The following TDRD6 variants were observed in gnomAD, a reference collection of about 807,000 sequenced individuals.
TDRD6 encodes the protein tudor domain-containing protein 6.
A neutral mutation model predicts 157.5 loss-of-function variants in TDRD6; 186 were observed. The ratio of observed to expected loss-of-function variants is 1.18; its 90% CI spans 1.05 to 1.33. TDRD6 has a LOEUF of 1.33. Among genes scored for constraint, TDRD6 ranks in the 40% most tolerant of loss-of-function variants. The pLI, the probability that TDRD6 is intolerant of heterozygous loss-of-function variation, is 0.00. For synonymous variants in TDRD6, 1,075 were observed against 945.2 expected (o/e 1.14, Z -2.52); for missense variants, 3,066 against 2,508.0 (o/e 1.22, Z -4.75).
Position 46,691,787 on chromosome 6 carries a change from C to A in TDRD6, c.3659C>A (p.Ser1220Ter). Residue 1220 changes from serine to a stop codon, truncating the protein, a stop_gained, in exon 1 of 4, where the codon TCA becomes TAA. Coordinates refer to ENST00000316081, the MANE Select transcript of TDRD6 (RefSeq NM_001010870.3). LOFTEE classifies it high-confidence loss of function. ...TCATATAAACCTCAGATCAACTCAT[C>A]ATACAAGGAACTCAAACTTTTACAA... ...EESYKPQINS[S>*]YKELKLLQSL... 6.2e-7 allele frequency: 1 copy of A among 1,601,968 alleles called. No individual in the cohort carries two copies. The highest frequency in any genetic ancestry group is 1.1e-5 in the South Asian group (1 of 88,620).
chr6:46,693,338 T>C lies in TDRD6; in HGVS notation c.5210T>C (p.Val1737Ala), dbSNP rs1764399256. Residue 1737 changes from valine (V) to alanine (A), a missense_variant, in exon 1 of 4, where the codon GTA becomes GCA. Coordinates refer to ENST00000316081, the MANE Select transcript of TDRD6 (RefSeq NM_001010870.3). ...VGLKKLSNKA[V>A]QNKIYMEQQT... ...CTTAAGAAATTAAGTAATAAAGCTG[T>C]ACAAAATAAAATATATATGGAACAA... 2 of 1,604,610 alleles carry C rather than the reference T, an allele frequency of 1.2e-6. No individual in the cohort carries two copies. Among genetic ancestry groups the C allele is most frequent in the Non-Finnish European group, 1.7e-6 (2 of 1,177,526 alleles).
rs148061772 is a variant in TDRD6 at position 46,689,050 on chromosome 6, G to C, written c.922G>C (p.Glu308Gln). The change falls in exon 1 of 4, where the codon GAG becomes CAG. Residue 308 changes from glutamate (E) to glutamine (Q), a missense_variant. By Grantham distance (29) the Glu-to-Gln change is conservative (BLOSUM62 2). Transcript: ENST00000316081. ...STSATWEERE[E>Q]SPDKPGSPCA... ...CAGTGCCACCTGGGAGGAGAGGGAG[G>C]AGAGCCCAGATAAGCCGGGCTCTCC... 6.4e-5 allele frequency: 104 copies of C among 1,613,966 alleles called. No homozygotes were observed. In the African/African-American group the frequency reaches 1.1e-3, roughly 18 times the overall value.
intron 1 of TDRD6, among the ~76,000 whole-genome samples, chr6:46,694,792 A>G (rs1349277738): frequency 2.0e-5 from 3 of 152,190 alleles, no homozygotes; most frequent in Non-Finnish European, 1.5e-5. Context: ...ATGTGTTGGT[A>G]AGTTTTATAA....
intron 3 of TDRD6, chr6:46,701,153 G>A: frequency 4.0e-6 from 1 of 251,682 alleles, no homozygotes; most frequent in South Asian, 4.1e-5. Context: ...AAACAAAAAT[G>A]GTTTATCAAT....
In TDRD6 at chr6:46,691,258, T is replaced by C; in HGVS notation, c.3130T>C (p.Tyr1044His). 6.2e-7 allele frequency: 1 copy of C among 1,614,102 alleles called. No individual in the cohort carries two copies. The highest frequency in any genetic ancestry group is 8.5e-7 in the Non-Finnish European group (1 of 1,179,966). Residue 1044 changes from tyrosine (Y) to histidine (H), a missense_variant, in exon 1 of 4, where the codon TAT becomes CAT. Tyr to His is a moderately conservative substitution (Grantham distance 83). Transcript: ENST00000316081. ...LNPGTLCLAK[Y>H]TDGNWYRGIV... is the part of the protein sequence containing the mutation. Reference sequence around the variant, plus strand: ...CCCTGGAACCTTGTGCCTTGCCAAGTATACTGATGGAAACTGGTATAGGGG... The same window carrying C: ...CCCTGGAACCTTGTGCCTTGCCAAGCATACTGATGGAAACTGGTATAGGGG...
Position 46,692,931 on chromosome 6 carries a change from G to C in TDRD6, c.4803G>C (p.Arg1601Ser), listed in dbSNP as rs777908981. Residue 1601 changes from arginine to serine, a missense_variant, in exon 1 of 4, where the codon AGG becomes AGC. Coordinates refer to ENST00000316081, the MANE Select transcript of TDRD6 (RefSeq NM_001010870.3). Reference sequence around the variant, plus strand: ...GTGAAGATTATCTTGTATCTGTCAGGCTTGTGGACTTTGGAAACATTGAAG... The same window carrying C: ...GTGAAGATTATCTTGTATCTGTCAGCCTTGTGGACTTTGGAAACATTGAAG... ...NICEDYLVSV[R>S]LVDFGNIEDC... 2 of 1,613,944 alleles carry C rather than the reference G, an allele frequency of 1.2e-6. No individual in the cohort carries two copies. Among genetic ancestry groups the C allele is most frequent in the African/African-American group, 1.3e-5 (1 of 74,922 alleles).
At chr6:46,695,990 T>G in intron 2 of TDRD6, 45 bp downstream of exon 2, 2 of 1,583,254 alleles carry the variant, frequency 1.3e-6, no homozygotes, top group East Asian at 2.3e-5. Context: ...ATTTGCAGAC[T>G]ATTAAGGAAA....
At chr6:46,681,416 G>A in the TDRD6 span, 10 of 389,210 alleles carry the variant, frequency 2.6e-5, no homozygotes, top group Non-Finnish European at 5.4e-6. Context: ...TCACTATTTG[G>A]CCTTCATTGA....
rs1764636872 is a variant in TDRD6, at chr6:46,701,893, G to A, written c.*6G>A. On this transcript the variant is annotated 3_prime_UTR_variant, in exon 4 of 4. Transcript: ENST00000316081. ...TGGAGGTGATGGAGATTTAACCGTG[G>A]ATCTATAGCTGTGGCCAATCAGTCA... The A allele has an allele frequency of 6.2e-7, 1 of 1,611,968 alleles. No homozygotes were observed. Among genetic ancestry groups the A allele is most frequent in the South Asian group, 1.1e-5 (1 of 90,892 alleles).
At position 46,689,814 on chromosome 6, in the gene TDRD6, C is replaced by G; in HGVS notation, c.1686C>G (p.Asp562Glu). ...YYRAIVTKLD[D>E]KSVDVFLVDR... is the part of the protein sequence containing the mutation. ...GGGCCATAGTCACCAAATTGGATGA[C>G]AAGAGTGTGGATGTATTCTTAGTTG... The change falls in exon 1 of 4, where the codon GAC becomes GAG. Residue 562 changes from aspartate (D) to glutamate (E), a missense_variant. Asp to Glu is a conservative substitution (Grantham distance 45). Coordinates refer to ENST00000316081, the MANE Select transcript of TDRD6 (RefSeq NM_001010870.3). 9 of 1,614,110 alleles carry G rather than the reference C, an allele frequency of 5.6e-6. No individual in the cohort carries two copies. Among genetic ancestry groups the G allele is most frequent in the Non-Finnish European group, 7.6e-6 (9 of 1,180,018 alleles).
Position 46,688,377 on chromosome 6 carries a change from C to G in TDRD6, c.249C>G (p.Arg83=), listed in dbSNP as rs1215367820. 4 of 1,535,038 alleles carry G rather than the reference C, an allele frequency of 2.6e-6. No individual in the cohort carries two copies. In the African/African-American group the frequency reaches 5.5e-5, roughly 21 times the overall value. Residue 83 remains arginine (R), a synonymous_variant, in exon 1 of 4, where the codon CGC becomes CGG. Coordinates refer to ENST00000316081, the MANE Select transcript of TDRD6 (RefSeq NM_001010870.3). ...CLVQVGLLWH[R]CRVVSRQAQE... is the part of the protein sequence containing the mutation. Reference sequence around the variant, plus strand: ...TGCAGGTCGGGCTTTTGTGGCACCGCTGCCGCGTGGTCAGCCGGCAGGCAC... The same window carrying G: ...TGCAGGTCGGGCTTTTGTGGCACCGGTGCCGCGTGGTCAGCCGGCAGGCAC...
Position 46,701,847 on chromosome 6 carries a change from T to C in TDRD6, c.6262-11T>C, listed in dbSNP as rs1457931522. The C allele has an allele frequency of 6.2e-7, 1 of 1,612,706 alleles. No individual in the cohort carries two copies. The highest frequency in any genetic ancestry group is 1.3e-5 in the African/African-American group (1 of 74,888). On this transcript the variant is annotated splice_polypyrimidine_tract_variant and intron_variant, in intron 3 of 3. Coordinates refer to ENST00000316081, the MANE Select transcript of TDRD6 (RefSeq NM_001010870.3). ...CTTTCTCAGTTTGAAGTTTTTCTCT[T>C]TTTGTTTCAGAAAAGGGGTTTGGAG... is the stretch of plus-strand genomic sequence containing the variant.
In TDRD6 at chr6:46,692,675, C is replaced by T. The variant is rs755543035; in HGVS notation, c.4547C>T (p.Pro1516Leu). Residue 1516 changes from proline (P) to leucine (L), a missense_variant, in exon 1 of 4, where the codon CCA becomes CTA. Coordinates refer to ENST00000316081, the MANE Select transcript of TDRD6 (RefSeq NM_001010870.3). ...TCAGTATTTCTTAACTGGTATAATC[C>T]AGAAAAAAAAATGATAAGAGCTTAT... ...DTSVFLNWYN[P>L]EKKMIRAYAT... 2.9e-5 allele frequency: 47 copies of T among 1,611,374 alleles called. No homozygotes were observed. The highest frequency in any genetic ancestry group is 3.9e-5 in the Non-Finnish European group (46 of 1,179,166).
At position 46,688,157 on chromosome 6, in the gene TDRD6, C is replaced by CG; in HGVS notation, c.34dup (p.Ala12GlyfsTer148). On this transcript the variant is annotated frameshift_variant, in exon 1 of 4. Transcript: ENST00000316081. LOFTEE classifies it high-confidence loss of function. ...TGCTCGACGCCCGGAATGCCGGCGC[C>CG]GGGGGCCTCGCTGGCCCTGCGGGTG... 6.5e-7 allele frequency: 1 copy of CG among 1,544,666 alleles called. No homozygotes were observed. The highest frequency in any genetic ancestry group is 8.7e-7 in the Non-Finnish European group (1 of 1,151,976).
In TDRD6 at chr6:46,695,820, G is replaced by A; in HGVS notation, c.6047-1G>A. ...GAGTCTTACTCAATTCAATTTGGCA[G>A]CTCAACTACAGAACACCTACACTCT... On this transcript the variant is annotated splice_acceptor_variant, in intron 1 of 3. Transcript: ENST00000316081. LOFTEE classifies it high-confidence loss of function. The A allele has an allele frequency of 6.2e-7, 1 of 1,611,924 alleles. No individual in the cohort carries two copies. Among genetic ancestry groups the A allele is most frequent in the Admixed American group, 1.7e-5 (1 of 59,618 alleles).
chr6:46,696,031 C>A, intron 2 of TDRD6, 86 bp downstream of exon 2: 2 of 1,421,136 alleles, frequency 1.4e-6, no homozygotes, highest in Non-Finnish European at 1.9e-6. Context: ...CTAGAGAACG[C>A]GATTGAACAA....
Position 46,689,881 on chromosome 6 carries a change from A to C in TDRD6, c.1753A>C (p.Met585Leu). Reference protein sequence around the residue: ...SENVDWYDVRMLLPQFRQLPI... With the variant: ...SENVDWYDVRLLLPQFRQLPI... The stretch of plus-strand genomic sequence containing the variant: ...AAATGTGGACTGGTATGACGTAAGG[A>C]TGCTGCTTCCTCAGTTTAGGCAGCT... Residue 585 changes from methionine (M) to leucine (L), a missense_variant, in exon 1 of 4, where the codon ATG becomes CTG. Coordinates refer to ENST00000316081, the MANE Select transcript of TDRD6 (RefSeq NM_001010870.3). 1 of 1,614,196 alleles carries C rather than the reference A, an allele frequency of 6.2e-7. No individual in the cohort carries two copies. The highest frequency in any genetic ancestry group is 8.5e-7 in the Non-Finnish European group (1 of 1,180,042).
At position 46,688,577 on chromosome 6, in the gene TDRD6, G is replaced by C; in HGVS notation, c.449G>C (p.Trp150Ser). The C allele has an allele frequency of 6.3e-7, 1 of 1,596,750 alleles. No individual in the cohort carries two copies. Among genetic ancestry groups the C allele is most frequent in the Non-Finnish European group, 8.5e-7 (1 of 1,178,446 alleles). ...GAGSGEPPQH[W>S]PADAVDFLSN... ...GGCTCAGGCGAGCCGCCGCAGCACTGGCCCGCCGACGCCGTGGACTTCCTT... is the reference window on the plus strand; with the variant it reads ...GGCTCAGGCGAGCCGCCGCAGCACTCGCCCGCCGACGCCGTGGACTTCCTT... Residue 150 changes from tryptophan (W) to serine (S), a missense_variant, in exon 1 of 4, where the codon TGG becomes TCG. Trp to Ser is a radical substitution (Grantham distance 177). Coordinates refer to ENST00000316081, the MANE Select transcript of TDRD6 (RefSeq NM_001010870.3).
rs761773254 is a variant in TDRD6 at position 46,688,601 on chromosome 6, T to TTAG, written c.474_476dup (p.Ser159dup). 6.3e-7 allele frequency: 1 copy of TTAG among 1,599,010 alleles called. No homozygotes were observed. The highest frequency in any genetic ancestry group is 8.5e-7 in the Non-Finnish European group (1 of 1,179,746). On this transcript the variant is annotated inframe_insertion, in exon 1 of 4. Coordinates refer to ENST00000316081, the MANE Select transcript of TDRD6 (RefSeq NM_001010870.3). ...TGGCCCGCCGACGCCGTGGACTTCC[T>TTAG]TAGCAACCTTCAGGGCAAGGAGGTG... is the stretch of plus-strand genomic sequence containing the variant.
Sources: gnomAD v4.1 joint callset for allele counts (sites outside exome capture counted in the v4.1 genomes callset) on GRCh38, gnomAD v4.1.1 for gene constraint, MANE v1.5 for transcripts, NCBI Gene and HGNC (gene_info 2026-07-23, HGNC 2026-07-21) for gene names.